The following CCSER1 variants were observed in gnomAD, a reference collection of about 807,000 sequenced individuals.
CCSER1 encodes coiled-coil serine rich protein 1, also known as serine-rich coiled-coil domain-containing protein 1.
A neutral mutation model predicts 82.0 loss-of-function variants in CCSER1; 41 were observed. That is an observed-to-expected ratio of 0.50 (90% CI 0.39 to 0.65). The LOEUF (loss-of-function observed/expected upper bound fraction) is 0.65, where lower values mean the gene tolerates loss of function less well. Among genes scored for constraint, CCSER1 ranks in the 30% least tolerant of loss-of-function variants. The pLI, the probability that CCSER1 is intolerant of heterozygous loss-of-function variation, is 0.00. For missense variants in CCSER1, 1,119 were observed against 1,064.2 expected, an observed-to-expected ratio of 1.05 and a Z score of -0.72; for synonymous variants, 414 against 383.9, an observed-to-expected ratio of 1.08 and a Z score of -0.92.
intron 10 of CCSER1, among the ~76,000 whole-genome samples, chr4:91,161,791 A>G (rs1229136608): frequency 6.6e-6 from 1 of 152,148 alleles, no homozygotes; most frequent in Non-Finnish European, 1.5e-5. Context: ...AAGCAATAAG[A>G]CATAAGCAAC....
intron 6 of CCSER1, among the ~76,000 whole-genome samples, chr4:90,691,770 G>A (rs1478379724): frequency 6.6e-6 from 1 of 151,578 alleles, no homozygotes; most frequent in Non-Finnish European, 1.5e-5. Flanking sequence ...GCATGTCACA[G>A]GGGTTTGGCA....
chr4:90,269,361 T>G (rs1725828417), intron 1 of CCSER1, among the ~76,000 whole-genome samples: 1 of 152,044 alleles, frequency 6.6e-6, no homozygotes, highest in Non-Finnish European at 1.5e-5. Flanking sequence ...TGAATAAAAC[T>G]AGAAATAAAT....
intron 7 of CCSER1, among the ~76,000 whole-genome samples, chr4:90,731,045 A>G (rs1744619672): frequency 2.6e-5 from 4 of 151,536 alleles, no homozygotes; most frequent in Admixed American, 1.3e-4. Flanking sequence ...GGCATTACTG[A>G]GTCAAGGCTC....
At chr4:90,558,015 T>A (rs1425062899) in intron 5 of CCSER1, among the ~76,000 whole-genome samples, 1 of 152,186 alleles carries the variant, frequency 6.6e-6, no homozygotes, top group East Asian at 1.9e-4. Context: ...GTTTATTTGC[T>A]GCTAGGTAAC....
intron 8 of CCSER1, among the ~76,000 whole-genome samples, chr4:90,895,586 G>T (rs1723585693): frequency 6.6e-6 from 1 of 151,906 alleles, no homozygotes; most frequent in African/African-American, 2.4e-5. Flanking sequence ...GATTCACAAT[G>T]AAGTAAAATG....
chr4:90,607,677 A>C (rs1373985651), intron 5 of CCSER1, among the ~76,000 whole-genome samples: 1 of 152,172 alleles, frequency 6.6e-6, no homozygotes, highest in Non-Finnish European at 1.5e-5. Context: ...CCTTATCTTA[A>C]CTGATTACAT....
chr4:90,383,756 G>A (rs1484321701), intron 3 of CCSER1, among the ~76,000 whole-genome samples: 1 of 151,156 alleles, frequency 6.6e-6, no homozygotes, highest in African/African-American at 2.4e-5. Flanking sequence ...TTTAAATACA[G>A]GATTTTGTTT....
intron 4 of CCSER1, among the ~76,000 whole-genome samples, chr4:90,442,585 G>A (rs1449344010): frequency 2.0e-5 from 3 of 152,130 alleles, no homozygotes; most frequent in Non-Finnish European, 4.4e-5. Context: ...AACTTGATTA[G>A]GTTGTGGGAA....
At chr4:91,428,547 T>A (rs1754120474) in intron 10 of CCSER1, among the ~76,000 whole-genome samples, 1 of 152,058 alleles carries the variant, frequency 6.6e-6, no homozygotes, top group Non-Finnish European at 1.5e-5. Flanking sequence ...TCGTAGTACA[T>A]CATCACTGGA....
At chr4:91,269,547 T>C (rs1471298324) in intron 10 of CCSER1, among the ~76,000 whole-genome samples, 1 of 152,226 alleles carries the variant, frequency 6.6e-6, no homozygotes, top group Non-Finnish European at 1.5e-5. Flanking sequence ...TATCTTGTTA[T>C]TATTTAAAAT....
At chr4:90,705,988 C>T (rs1194145603) in intron 6 of CCSER1, among the ~76,000 whole-genome samples, 1 of 152,166 alleles carries the variant, frequency 6.6e-6, no homozygotes, top group African/African-American at 2.4e-5. Context: ...GTCCTGCACC[C>T]ACTGTCTGAC....
chr4:90,681,988 TC>T (rs1317735107), intron 6 of CCSER1, among the ~76,000 whole-genome samples: 1 of 151,944 alleles, frequency 6.6e-6, no homozygotes, highest in Non-Finnish European at 1.5e-5. Context: ...CTATTTCTGG[TC>T]CCAGACTGAA....
At chr4:91,538,698 C>CATATATTATATATATATAT in intron 10 of CCSER1, among the ~76,000 whole-genome samples, 78 of 138,324 alleles carry the variant, frequency 5.6e-4, no homozygotes, top group African/African-American at 2.1e-3. Context: ...TATATATACA[C>CATATATTATATATATATAT]ATATATATAT....
intron 5 of CCSER1, among the ~76,000 whole-genome samples, chr4:90,498,448 C>T (rs75848635): frequency 0.015 from 2,246 of 152,162 alleles, 35 homozygotes; most frequent in African/African-American, 0.044. Context: ...TAAGCTGAAA[C>T]ACTGACATTT....
chr4:90,198,737 G>A (rs1253958173), intron 1 of CCSER1, among the ~76,000 whole-genome samples: 1 of 152,064 alleles, frequency 6.6e-6, no homozygotes, highest in Non-Finnish European at 1.5e-5. Flanking sequence ...CGATGATAAT[G>A]TGCAAACCCA....
chr4:90,782,644 GT>G (rs1396176749), intron 7 of CCSER1, among the ~76,000 whole-genome samples: 1 of 151,704 alleles, frequency 6.6e-6, no homozygotes, highest in African/African-American at 2.4e-5. Flanking sequence ...TTGGGAGAAG[GT>G]GAGAAGTCAA....
intron 10 of CCSER1, among the ~76,000 whole-genome samples, chr4:91,457,705 GA>G (rs1181428747): frequency 1.3e-5 from 2 of 151,822 alleles, no homozygotes; most frequent in South Asian, 2.1e-4. Context: ...TTTTACTTGA[GA>G]TTTTTTTGTA....
Position 91,011,657 on chromosome 4 carries a change from G to T in CCSER1, c.2173-74293G>T, listed in dbSNP as rs1739014890. ...GGCAACAACTTTGGCTCAGTTCTGG[G>T]GAGGAAAGGGAGATTTGGGCCCAAG... is the stretch of plus-strand genomic sequence containing the variant. On this transcript the variant is annotated intron_variant, in intron 9 of 10. Transcript: ENST00000509176. 1.5e-5 allele frequency among the ~76,000 whole-genome samples: 2 copies of T among 134,496 alleles called. 1 individual carries two copies. Among genetic ancestry groups the T allele is most frequent in the Non-Finnish European group, 3.5e-5 (2 of 57,764 alleles). The allele number at this position is 134,496 out of a possible 152,430, so 88.2% of individuals were successfully genotyped here. A position where few individuals can be genotyped will look rare whatever the true frequency, so the allele number is the denominator to read the frequency against.
At chr4:91,258,608 A>G (rs6843600) in intron 10 of CCSER1, among the ~76,000 whole-genome samples, 33,694 of 152,004 alleles carry the variant, frequency 0.22, 4,336 homozygotes, top group African/African-American at 0.35. Flanking sequence ...AGGCTAAGTT[A>G]TGAAGCTTAA....
Sources: allele counts gnomAD v4.1 joint callset (sites outside exome capture counted in the v4.1 genomes callset), GRCh38; gene constraint gnomAD v4.1.1; transcripts MANE v1.5; gene names NCBI Gene and HGNC (gene_info 2026-07-23, HGNC 2026-07-21).